The following FHIP1A variants were observed in gnomAD, a reference collection of about 807,000 sequenced individuals.
FHIP1A encodes the protein FHF complex subunit HOOK-interacting protein 1A.
Under a neutral mutation model 88.6 loss-of-function variants are expected in FHIP1A, and 61 were observed. That is an observed-to-expected ratio of 0.69 (90% CI 0.56 to 0.85). The LOEUF (loss-of-function observed/expected upper bound fraction) is 0.85, where lower values mean the gene tolerates loss of function less well. FHIP1A is among the 40% of genes least tolerant of loss of function. The pLI, the probability that FHIP1A is intolerant of heterozygous loss-of-function variation, is 0.00. For synonymous variants in FHIP1A, 478 were observed against 496.0 expected (o/e 0.96, Z 0.48); for missense variants, 1,154 against 1,273.5 (o/e 0.91, Z 1.43).
At chr4:151,450,684 C>T (rs1227830303) in intron 1 of FHIP1A, among the ~76,000 whole-genome samples, 3 of 152,162 alleles carry the variant, frequency 2.0e-5, no homozygotes, top group African/African-American at 2.4e-5. Context: ...AGATTTTTCT[C>T]TTTACGCACA....
chr4:151,486,730 G>A (rs2126641170), intron 3 of FHIP1A, among the ~76,000 whole-genome samples: 1 of 152,168 alleles, frequency 6.6e-6, no homozygotes. Flanking sequence ...ACTTTGGGAG[G>A]TCGAGGCGGG....
At chr4:151,577,035 T>A (rs570499532) in intron 4 of FHIP1A, 1 of 156,352 alleles carries the variant, frequency 6.4e-6, no homozygotes, top group Admixed American at 6.5e-5. Context: ...TTTTTGCATA[T>A]TTTTTTACAT....
chr4:151,435,290 C>G (rs935102327), intron 1 of FHIP1A, among the ~76,000 whole-genome samples: 1 of 152,150 alleles, frequency 6.6e-6, no homozygotes, highest in Non-Finnish European at 1.5e-5. Flanking sequence ...CTCTCTCAGC[C>G]TCTGGTAACT....
At chr4:151,442,579 T>C (rs1429715005) in intron 1 of FHIP1A, among the ~76,000 whole-genome samples, 2 of 152,164 alleles carry the variant, frequency 1.3e-5, no homozygotes, top group Non-Finnish European at 2.9e-5. Context: ...AGGCCCGTAT[T>C]AGACCCTGCA....
At chr4:151,446,077 C>T (rs1291536887) in intron 1 of FHIP1A, among the ~76,000 whole-genome samples, 1 of 151,700 alleles carries the variant, frequency 6.6e-6, no homozygotes, top group Non-Finnish European at 1.5e-5. Context: ...TAGGTGATGA[C>T]AACTGCTTGC....
intron 3 of FHIP1A, among the ~76,000 whole-genome samples, chr4:151,492,499 G>A (rs1351524728): frequency 6.6e-6 from 1 of 151,886 alleles, no homozygotes; most frequent in Non-Finnish European, 1.5e-5. Flanking sequence ...TGTTGAGACA[G>A]GAGAATTGCT....
intron 3 of FHIP1A, among the ~76,000 whole-genome samples, chr4:151,484,661 G>T (rs1010179678): frequency 1.2e-4 from 18 of 152,214 alleles, no homozygotes; most frequent in African/African-American, 4.1e-4. Context: ...GATGCAAAAT[G>T]TGTATGATAG....
At chr4:151,438,427 A>G (rs1728284763) in intron 1 of FHIP1A, among the ~76,000 whole-genome samples, 1 of 152,076 alleles carries the variant, frequency 6.6e-6, no homozygotes, top group Non-Finnish European at 1.5e-5. Context: ...CACTAACCAG[A>G]AAAAGGATTT....
At chr4:151,613,011 T>G (rs1176360660) in intron 7 of FHIP1A, among the ~76,000 whole-genome samples, 1 of 152,184 alleles carries the variant, frequency 6.6e-6, no homozygotes, top group African/African-American at 2.4e-5. Flanking sequence ...TTAACTGATT[T>G]AACTGGATCA....
At chr4:151,526,356 TC>T in intron 3 of FHIP1A, among the ~76,000 whole-genome samples, 1 of 149,668 alleles carries the variant, frequency 6.7e-6, no homozygotes, top group Middle Eastern at 3.5e-3. Flanking sequence ...GCCCCTCACC[TC>T]CCAGACGAGG....
At chr4:151,539,688 G>A (rs1732206400) in intron 3 of FHIP1A, among the ~76,000 whole-genome samples, 1 of 151,946 alleles carries the variant, frequency 6.6e-6, no homozygotes, top group South Asian at 2.1e-4. Context: ...ACTCCCTGCT[G>A]AGTGCCCTGT....
In FHIP1A at chr4:151,570,909, T is replaced by A. The variant is rs575870680; in HGVS notation, c.105+4545T>A. Among the ~76,000 whole-genome samples, 8 of 152,324 alleles carry A rather than the reference T, an allele frequency of 5.3e-5. No individual in the cohort carries two copies. In the South Asian group the frequency reaches 1.7e-3, roughly 32 times the overall value. On this transcript the variant is annotated intron_variant, in intron 4 of 13. Transcript: ENST00000435205. The stretch of plus-strand genomic sequence containing the variant: ...ATTAAATGATCTGGAAGAGTGTGTG[T>A]ATATACTTAATTTTTATAGTAGTCT...
intron 3 of FHIP1A, among the ~76,000 whole-genome samples, chr4:151,562,425 C>T (rs930386662): frequency 6.6e-6 from 1 of 152,174 alleles, no homozygotes; most frequent in African/African-American, 2.4e-5. Context: ...CACCTTTCTT[C>T]TGCTCCTTTT....
At chr4:151,417,261 T>G (rs2126512942) in intron 1 of FHIP1A, among the ~76,000 whole-genome samples, 1 of 152,278 alleles carries the variant, frequency 6.6e-6, no homozygotes, top group Non-Finnish European at 1.5e-5. Context: ...CTCTAGAGGC[T>G]TCCCATTGGT....
At position 151,566,379 on chromosome 4, in the gene FHIP1A, C is replaced by T; in HGVS notation, c.105+15C>T. ...ACTGGGCACAGGTAATGTATGAATT[C>T]CACTTTTTTTGCTGGTCTCAGTAAC... On this transcript the variant is annotated intron_variant, in intron 4 of 13. Transcript: ENST00000435205. 1 of 1,504,178 alleles carries T rather than the reference C, an allele frequency of 6.6e-7. No individual in the cohort carries two copies. Among genetic ancestry groups the T allele is most frequent in the Non-Finnish European group, 9.1e-7 (1 of 1,103,902 alleles). The allele number at this position is 1,504,178 out of a possible 1,614,324, so 93.2% of individuals were successfully genotyped here.
chr4:151,447,471 GTCT>G (rs1210990595), intron 1 of FHIP1A, among the ~76,000 whole-genome samples: 2 of 152,110 alleles, frequency 1.3e-5, no homozygotes, highest in East Asian at 1.9e-4. Context: ...AGCCACACAG[GTCT>G]TCTTTCATTT....
chr4:151,456,307 A>T (rs1171817400), intron 2 of FHIP1A, among the ~76,000 whole-genome samples: 1 of 152,232 alleles, frequency 6.6e-6, no homozygotes, highest in Non-Finnish European at 1.5e-5. Flanking sequence ...TTCAAGGTTT[A>T]CAAAATTTTT....
rs373619803 is a variant in FHIP1A, at chr4:151,481,874, G to C, written c.-247-650G>C. The stretch of plus-strand genomic sequence containing the variant: ...CGTTTTGTTCTCTGTGTTTCTCCCA[G>C]GTAGGATAATTTCCTTGCCAGCTTC... On this transcript the variant is annotated intron_variant, in intron 2 of 13. Transcript: ENST00000435205. 6.6e-5 allele frequency among the ~76,000 whole-genome samples: 10 copies of C among 152,122 alleles called. No individual in the cohort carries two copies. The East Asian group carries it at 1.9e-3, about 29-fold the overall frequency.
chr4:151,634,812 A>C (rs1736287812), intron 8 of FHIP1A, among the ~76,000 whole-genome samples: 1 of 151,908 alleles, frequency 6.6e-6, no homozygotes, highest in African/African-American at 2.4e-5. Context: ...AGAAGAAAAC[A>C]TGGAGGAAAA....
Sources: gnomAD v4.1 joint callset for allele counts (sites outside exome capture counted in the v4.1 genomes callset) on GRCh38, gnomAD v4.1.1 for gene constraint, MANE v1.5 for transcripts, NCBI Gene and HGNC (gene_info 2026-07-23, HGNC 2026-07-21) for gene names.